The following VPS26A variants were observed in gnomAD, a reference collection of about 807,000 sequenced individuals.
The protein encoded by VPS26A is VPS26 retromer complex component A.
In VPS26A, 22 loss-of-function variants were observed where a neutral mutation model predicts 42.4. The observed-to-expected ratio is 0.52, with a 90% confidence interval of 0.37 to 0.74. VPS26A has a LOEUF of 0.74. VPS26A is among the 30% of genes least tolerant of loss of function. VPS26A has a pLI of 0.00. For synonymous variants in VPS26A, 110 were observed against 123.5 expected (o/e 0.89, Z 0.73); for missense variants, 276 against 379.2 (o/e 0.73, Z 2.26).
chr10:69,149,727 G>GTTT lies in VPS26A; in HGVS notation c.154-6081_154-6079dup, dbSNP rs151136046. Reference sequence around the variant, plus strand: ...ACCATGGAATGTTAACTTTCTTGGTGTTTTTTGTTTTTTTTTTTTTTTTTT... The same window carrying GTTT: ...ACCATGGAATGTTAACTTTCTTGGTGTTTTTTTTTGTTTTTTTTTTTTTTTTTT... On this transcript the variant is annotated intron_variant, in intron 2 of 8. Transcript: ENST00000263559. Among the ~76,000 whole-genome samples, 336 of 93,910 alleles carry GTTT rather than the reference G, an allele frequency of 3.6e-3. 50 individuals are homozygous for GTTT. Among genetic ancestry groups the GTTT allele is most frequent in the East Asian group, 7.8e-3 (25 of 3,224 alleles). 61.6% of individuals were successfully genotyped at this position (93,910 alleles called of 152,430 possible). A position where few individuals can be genotyped will look rare whatever the true frequency, so the allele number is the denominator to read the frequency against.
intron 2 of VPS26A, among the ~76,000 whole-genome samples, chr10:69,139,592 G>A (rs1445293053): frequency 1.3e-5 from 2 of 152,168 alleles, no homozygotes; most frequent in East Asian, 1.9e-4. Flanking sequence ...ATGATCCATC[G>A]TGCCCGGCCT....
intron 2 of VPS26A, among the ~76,000 whole-genome samples, chr10:69,146,424 A>G (rs1055779486): frequency 1.3e-5 from 2 of 152,182 alleles, no homozygotes; most frequent in Admixed American, 6.5e-5. Flanking sequence ...GGTCAAATAT[A>G]TATTACATAA....
chr10:69,163,270 A>G (rs377427692), intron 6 of VPS26A, among the ~76,000 whole-genome samples: 7 of 152,310 alleles, frequency 4.6e-5, no homozygotes, highest in Non-Finnish European at 8.8e-5. Flanking sequence ...GTTAAACAGC[A>G]TATTTGTTTA....
chr10:69,173,571 T>C lies in VPS26A; in HGVS notation c.*2302T>C, dbSNP rs7090222. On this transcript the variant is annotated 3_prime_UTR_variant, in exon 9 of 9. Coordinates refer to ENST00000263559, the MANE Select transcript of VPS26A (RefSeq NM_004896.5). ...GGTGAAGCCAGCTGGACTTCTGAGT[T>C]GCGTGGGGACTTGGAGAACTTTTCT... is the stretch of plus-strand genomic sequence containing the variant. Among the ~76,000 whole-genome samples, 6,433 of 152,286 alleles carry C rather than the reference T, an allele frequency of 0.042. 484 individuals are homozygous for C. Among genetic ancestry groups the C allele is most frequent in the African/African-American group, 0.15 (6,056 of 41,536 alleles).
At position 69,172,226 on chromosome 10, in the gene VPS26A, C is replaced by T. The variant is rs1841830735; in HGVS notation, c.*957C>T. The T allele has an allele frequency of 6.6e-6, 1 of 152,074 alleles. No homozygotes were observed. The highest frequency in any genetic ancestry group is 1.5e-5 in the Non-Finnish European group (1 of 68,018). The allele number at this position is 152,074 out of a possible 1,614,324, so 9.4% of individuals were successfully genotyped here. On this transcript the variant is annotated 3_prime_UTR_variant, in exon 9 of 9. Coordinates refer to ENST00000263559, the MANE Select transcript of VPS26A (RefSeq NM_004896.5). The stretch of plus-strand genomic sequence containing the variant: ...CTGTGAAGCATGTAGTTATCTAGAT[C>T]TGGGTAATTTCATGTTTATTAAACT...
rs1209685299 is a variant in VPS26A at position 69,168,587 on chromosome 10, T to G, written c.826T>G (p.Leu276Val). ...ATTTTCAGTAAGGTACTTTTTGAATTTAGTGCTTGTTGATGAGGAAGACCG... is the reference window on the plus strand; with the variant it reads ...ATTTTCAGTAAGGTACTTTTTGAATGTAGTGCTTGTTGATGAGGAAGACCG... ...KKFSVRYFLN[L>V]VLVDEEDRRY... is the part of the protein sequence containing the mutation. Residue 276 changes from leucine (L) to valine (V), a missense_variant, in exon 8 of 9, where the codon TTA becomes GTA. Leu to Val is a conservative substitution (Grantham distance 32, BLOSUM62 1). Transcript: ENST00000263559. The G allele has an allele frequency of 6.2e-7, 1 of 1,614,052 alleles. No individual in the cohort carries two copies. The highest frequency in any genetic ancestry group is 1.3e-5 in the African/African-American group (1 of 74,922).
Position 69,167,461 on chromosome 10 carries a change from C to A in VPS26A, c.728-1028C>A, listed in dbSNP as rs12782740. ...AAGAAAAAGAAAAAAAAAAGCCAGG[C>A]GCGGTGGCTCACGCCTGTAATCCCA... On this transcript the variant is annotated intron_variant, in intron 7 of 8. Coordinates refer to ENST00000263559, the MANE Select transcript of VPS26A (RefSeq NM_004896.5). Among the ~76,000 whole-genome samples the A allele has an allele frequency of 2.0e-5, 3 of 150,186 alleles. No homozygotes were observed. In the South Asian group the frequency reaches 6.3e-4, roughly 32 times the overall value.
intron 2 of VPS26A, among the ~76,000 whole-genome samples, chr10:69,137,235 A>G (rs1840933639): frequency 6.6e-6 from 1 of 152,234 alleles, no homozygotes; most frequent in East Asian, 1.9e-4. Context: ...CTCTAGTTGT[A>G]TAATCCTCTG....
chr10:69,154,884 C>T (rs6480387), intron 2 of VPS26A, among the ~76,000 whole-genome samples: 6,581 of 152,060 alleles, frequency 0.043, 491 homozygotes, highest in African/African-American at 0.15. Context: ...TGTGTGTGTG[C>T]GCGCACGCGC....
chr10:69,159,015 C>A (rs1841493411), intron 5 of VPS26A, among the ~76,000 whole-genome samples: 1 of 152,106 alleles, frequency 6.6e-6, no homozygotes, highest in African/African-American at 2.4e-5. Context: ...CATTTAAATG[C>A]CCACTGGTAT....
chr10:69,162,412 T>C lies in VPS26A; in HGVS notation c.558T>C (p.His186=), dbSNP rs758370315. 6.8e-7 allele frequency: 1 copy of C among 1,470,986 alleles called. No individual in the cohort carries two copies. The highest frequency in any genetic ancestry group is 9.4e-7 in the Non-Finnish European group (1 of 1,059,192). The allele number at this position is 1,470,986 out of a possible 1,614,324, so 91.1% of individuals were successfully genotyped here. A position where few individuals can be genotyped will look rare whatever the true frequency, so the allele number is the denominator to read the frequency against. The change falls in exon 6 of 9, where the codon CAT becomes CAC. Residue 186 remains histidine, a synonymous_variant. Transcript: ENST00000263559. ...IEFEYNKSKY[H]LKDVIVGKIY... Reference sequence around the variant, plus strand: ...ATATGTTCTTCCCCAATAGGTATCATTTAAAGGATGTGATTGTTGGAAAAA... The same window carrying C: ...ATATGTTCTTCCCCAATAGGTATCACTTAAAGGATGTGATTGTTGGAAAAA...
intron 5 of VPS26A, among the ~76,000 whole-genome samples, chr10:69,160,495 C>T (rs7894425): frequency 6.6e-5 from 9 of 137,120 alleles, no homozygotes; most frequent in Admixed American, 1.5e-4. Context: ...TCTGTCGTCC[C>T]GTCTGGAGTG....
At chr10:69,142,006 C>T (rs914110863) in intron 2 of VPS26A, among the ~76,000 whole-genome samples, 7 of 152,038 alleles carry the variant, frequency 4.6e-5, no homozygotes, top group Admixed American at 2.6e-4. Flanking sequence ...GCCTCAGCCT[C>T]CCGAGTAGCT....
In VPS26A at chr10:69,124,204, G is replaced by C. The variant is rs1009220311; in HGVS notation, c.-74G>C. On this transcript the variant is annotated 5_prime_UTR_variant, in exon 1 of 9. Transcript: ENST00000263559. The stretch of plus-strand genomic sequence containing the variant: ...AGGTCACGTGACGGAGCGCCGGAGC[G>C]GAGGGAGCCGGGGCTGGGAGTTCTC... 3.2e-5 allele frequency: 40 copies of C among 1,264,912 alleles called. No individual in the cohort carries two copies. Among genetic ancestry groups the C allele is most frequent in the Non-Finnish European group, 3.8e-5 (38 of 998,950 alleles). The allele number at this position is 1,264,912 out of a possible 1,614,324, so 78.4% of individuals were successfully genotyped here. A position where few individuals can be genotyped will look rare whatever the true frequency, so the allele number is the denominator to read the frequency against.
intron 2 of VPS26A, among the ~76,000 whole-genome samples, chr10:69,142,367 T>TAA (rs1370119246): frequency 2.1e-5 from 3 of 145,382 alleles, no homozygotes; most frequent in Non-Finnish European, 4.6e-5. Context: ...TAAAAAAATT[T>TAA]TTTTTTTTTA....
chr10:69,150,468 C>T (rs1270197244), intron 2 of VPS26A, among the ~76,000 whole-genome samples: 5 of 152,172 alleles, frequency 3.3e-5, no homozygotes, highest in Non-Finnish European at 5.9e-5. Flanking sequence ...ACGATCTCGG[C>T]TCACTGCAAG....
intron 1 of VPS26A, among the ~76,000 whole-genome samples, chr10:69,125,125 A>T (rs1256302727): frequency 1.3e-5 from 2 of 152,130 alleles, no homozygotes; most frequent in East Asian, 3.9e-4. Context: ...TTTAGCGCCT[A>T]CTGTATGCTC....
chr10:69,145,709 A>G lies in VPS26A; in HGVS notation c.154-10103A>G, dbSNP rs1841143520. 2.1e-5 allele frequency among the ~76,000 whole-genome samples: 3 copies of G among 142,950 alleles called. No individual in the cohort carries two copies. The South Asian group carries it at 6.8e-4, about 32-fold the overall frequency. 93.8% of individuals were successfully genotyped at this position (142,950 alleles called of 152,430 possible). A position where few individuals can be genotyped will look rare whatever the true frequency, so the allele number is the denominator to read the frequency against. ...TCTGTTCTGTTGGCCTATTTGTGGC[A>G]TGTACTTTTTTCTTTTCTTTTTTTT... On this transcript the variant is annotated intron_variant, in intron 2 of 8. Transcript: ENST00000263559.
chr10:69,145,129 G>A (rs1057034957), intron 2 of VPS26A, among the ~76,000 whole-genome samples: 5 of 151,920 alleles, frequency 3.3e-5, no homozygotes, highest in South Asian at 2.1e-4. Flanking sequence ...TCCGCGTCCC[G>A]GGTTCAAGCT....
Sources: gnomAD v4.1 joint callset for allele counts (sites outside exome capture counted in the v4.1 genomes callset) on GRCh38, gnomAD v4.1.1 for gene constraint, MANE v1.5 for transcripts, NCBI Gene and HGNC (gene_info 2026-07-23, HGNC 2026-07-21) for gene names.